Variants in CDKAL1 observed in about 807,000 individuals in gnomAD.
CDKAL1 encodes threonylcarbamoyladenosine tRNA methylthiotransferase.
A neutral mutation model predicts 68.2 loss-of-function variants in CDKAL1; 32 were observed. The observed-to-expected ratio is 0.47, with a 90% CI of 0.35 to 0.63. CDKAL1 has a LOEUF of 0.63. Among genes scored for constraint, CDKAL1 ranks in the 30% least tolerant of loss-of-function variants. The probability of loss-of-function intolerance (pLI) is 0.00; values close to 1 mark genes in which losing one functional copy is unlikely to be tolerated. For missense variants in CDKAL1, 606 were observed against 696.7 expected, an observed-to-expected ratio of 0.87 and a Z score of 1.47; for synonymous variants, 234 against 244.3, an observed-to-expected ratio of 0.96 and a Z score of 0.39.
At chr6:20,784,538 C>A (rs1343002549) in intron 8 of CDKAL1, among the ~76,000 whole-genome samples, 1 of 140,386 alleles carries the variant, frequency 7.1e-6, no homozygotes, top group African/African-American at 2.6e-5. Flanking sequence ...GATTCTTCTG[C>A]CTCAGCCTCC....
chr6:20,647,145 C>T (rs1390568168), intron 4 of CDKAL1, among the ~76,000 whole-genome samples: 1 of 152,196 alleles, frequency 6.6e-6, no homozygotes, highest in Non-Finnish European at 1.5e-5. Flanking sequence ...ATATGGTTCT[C>T]ATAGTATTGC....
chr6:20,633,618 C>T (rs1319786786), intron 4 of CDKAL1, among the ~76,000 whole-genome samples: 1 of 152,132 alleles, frequency 6.6e-6, no homozygotes, highest in Non-Finnish European at 1.5e-5. Flanking sequence ...AGATTATTTT[C>T]CAAAGCAGCC....
At position 20,645,426 on chromosome 6, in the gene CDKAL1, T is replaced by G. The variant is rs899465181; in HGVS notation, c.287-3867T>G. 1.4e-4 allele frequency among the ~76,000 whole-genome samples: 21 copies of G among 152,252 alleles called. No homozygotes were observed. The South Asian group carries it at 2.5e-3, about 18-fold the overall frequency. ...AATATTTCCTTATTGTTTAAGTGTT[T>G]AAAATTAAATTTTATTTACTTATGG... On this transcript the variant is annotated intron_variant, in intron 4 of 15. Coordinates refer to ENST00000274695, the MANE Select transcript of CDKAL1 (RefSeq NM_017774.3).
chr6:21,177,022 C>A (rs182285521), intron 13 of CDKAL1, among the ~76,000 whole-genome samples: 74 of 152,188 alleles, frequency 4.9e-4, no homozygotes, highest in African/African-American at 1.7e-3. Flanking sequence ...AAAAGCAATC[C>A]TCACAGCCCC....
chr6:20,673,024 G>A (rs1016421828), intron 5 of CDKAL1, among the ~76,000 whole-genome samples: 5 of 152,076 alleles, frequency 3.3e-5, no homozygotes, highest in African/African-American at 4.8e-5. Flanking sequence ...TGATCCACCC[G>A]CCTTGGCCTC....
intron 5 of CDKAL1, among the ~76,000 whole-genome samples, chr6:20,704,626 A>G (rs966064078): frequency 3.9e-5 from 6 of 152,218 alleles, no homozygotes; most frequent in African/African-American, 1.4e-4. Context: ...AGGCAAAGCC[A>G]CATGAGACCA....
At chr6:20,974,672 T>C (rs544480537) in intron 10 of CDKAL1, among the ~76,000 whole-genome samples, 1 of 152,166 alleles carries the variant, frequency 6.6e-6, no homozygotes, top group South Asian at 2.1e-4. Flanking sequence ...TTACCATCAG[T>C]TGCATCTTAG....
chr6:20,725,512 T>A (rs1772602391), intron 5 of CDKAL1, among the ~76,000 whole-genome samples: 1 of 152,200 alleles, frequency 6.6e-6, no homozygotes, highest in South Asian at 2.1e-4. Context: ...TAGCTGGGCA[T>A]GGTGGCTTAT....
At chr6:20,609,775 A>G (rs1300936172) in intron 4 of CDKAL1, among the ~76,000 whole-genome samples, 2 of 151,672 alleles carry the variant, frequency 1.3e-5, no homozygotes, top group African/African-American at 4.8e-5. Flanking sequence ...GGAAAATTTT[A>G]TTTTCTTTTA....
At chr6:21,025,904 A>G (rs145489750) in intron 11 of CDKAL1, among the ~76,000 whole-genome samples, 1 of 152,292 alleles carries the variant, frequency 6.6e-6, no homozygotes, top group East Asian at 1.9e-4. Flanking sequence ...ATTGTTCTCT[A>G]AATTCACAAC....
chr6:20,848,283 T>TTTTGGTTTTTTTTG (rs112015484), intron 9 of CDKAL1, among the ~76,000 whole-genome samples: 2 of 132,660 alleles, frequency 1.5e-5, no homozygotes, highest in African/African-American at 6.1e-5. Flanking sequence ...AAAGTTGTTT[T>TTTTGGTTTTTTTTG]TTTTTTTTTT....
intron 13 of CDKAL1, among the ~76,000 whole-genome samples, chr6:21,130,302 GCAA>G (rs1775246271): frequency 6.9e-6 from 1 of 144,256 alleles, no homozygotes; most frequent in Non-Finnish European, 1.5e-5. Flanking sequence ...TCAGCTCACT[GCAA>G]CCTCTGCCTC....
chr6:20,592,981 G>C (rs185070680), intron 4 of CDKAL1, among the ~76,000 whole-genome samples: 2 of 152,128 alleles, frequency 1.3e-5, no homozygotes, highest in African/African-American at 4.8e-5. Context: ...CTATTGATTT[G>C]CGTATGTTGA....
At chr6:20,685,505 G>A (rs1562024689) in intron 5 of CDKAL1, among the ~76,000 whole-genome samples, 2 of 152,088 alleles carry the variant, frequency 1.3e-5, no homozygotes, top group Non-Finnish European at 2.9e-5. Context: ...TGCCATGTAA[G>A]CTTTCTAATC....
At chr6:20,649,251 A>G (rs747340066) in intron 4 of CDKAL1, 42 bp from the exon 5 acceptor site, 1 of 1,310,054 alleles carries the variant, frequency 7.6e-7, no homozygotes, top group East Asian at 2.3e-5. Context: ...TGAATGATTA[A>G]GTGTGCTACT....
chr6:21,079,960 C>G (rs6917904), intron 12 of CDKAL1, among the ~76,000 whole-genome samples: 3,641 of 99,552 alleles, frequency 0.037, 140 homozygotes, highest in African/African-American at 0.12. Context: ...ATAAGATAAG[C>G]TTATCAACTT....
chr6:20,848,592 G>A (rs1561828811), intron 9 of CDKAL1, among the ~76,000 whole-genome samples: 1 of 152,222 alleles, frequency 6.6e-6, no homozygotes, highest in Middle Eastern at 3.4e-3. Flanking sequence ...TTTAGAGAAC[G>A]TATTAGAAGA....
chr6:20,723,227 C>T (rs561432249), intron 5 of CDKAL1, among the ~76,000 whole-genome samples: 3 of 152,310 alleles, frequency 2.0e-5, no homozygotes, highest in African/African-American at 7.2e-5. Context: ...GGGTCGTGGG[C>T]ACCCTCACCT....
intron 10 of CDKAL1, among the ~76,000 whole-genome samples, chr6:20,994,628 C>CCT (rs776475114): frequency 6.6e-6 from 1 of 152,180 alleles, no homozygotes; most frequent in Non-Finnish European, 1.5e-5. Flanking sequence ...TGGTTCCAGA[C>CCT]CTCTGCAAAA....
Sources: gnomAD v4.1 joint callset for allele counts (sites outside exome capture counted in the v4.1 genomes callset) on GRCh38, gnomAD v4.1.1 for gene constraint, MANE v1.5 for transcripts, NCBI Gene and HGNC (gene_info 2026-07-23, HGNC 2026-07-21) for gene names.